MCU: variants seen among roughly 807,000 people sequenced by gnomAD.
MCU encodes calcium uniporter protein, mitochondrial.
A neutral mutation model predicts 45.2 loss-of-function variants in MCU; 12 were observed. The observed-to-expected ratio is 0.27, with a 90% CI of 0.17 to 0.43. MCU has a LOEUF of 0.43. Among genes scored for constraint, MCU ranks in the 20% least tolerant of loss-of-function variants. The pLI, the probability that MCU is intolerant of heterozygous loss-of-function variation, is 1.00. For synonymous variants in MCU, 160 were observed against 165.1 expected, an observed-to-expected ratio of 0.97 and a Z score of 0.24; for missense variants, 324 against 436.7, an observed-to-expected ratio of 0.74 and a Z score of 2.30.
intron 2 of MCU, among the ~76,000 whole-genome samples, chr10:72,836,839 C>T (rs2132838130): frequency 6.6e-6 from 1 of 152,212 alleles, no homozygotes; most frequent in East Asian, 1.9e-4. Context: ...CACCTTAGGT[C>T]AGTATAGCAT....
chr10:72,843,899 T>G (rs1423849238), intron 2 of MCU, among the ~76,000 whole-genome samples: 1 of 152,218 alleles, frequency 6.6e-6, no homozygotes, highest in South Asian at 2.1e-4. Flanking sequence ...ATTTTACATA[T>G]TTAAGTATAT....
chr10:72,807,710 A>C (rs1844473745), intron 1 of MCU, among the ~76,000 whole-genome samples: 1 of 152,150 alleles, frequency 6.6e-6, no homozygotes, highest in Admixed American at 6.5e-5. Context: ...TGGATTTTTT[A>C]CTTCAGTGTT....
chr10:72,704,741 G>A (rs1190914106), intron 1 of MCU, among the ~76,000 whole-genome samples: 5 of 130,144 alleles, frequency 3.8e-5, no homozygotes, highest in Non-Finnish European at 6.3e-5. Flanking sequence ...TTGAGACGGA[G>A]TCTCGCTCTG....
chr10:72,842,163 A>G (rs984048289), intron 2 of MCU, among the ~76,000 whole-genome samples: 4 of 152,194 alleles, frequency 2.6e-5, no homozygotes, highest in Non-Finnish European at 4.4e-5. Flanking sequence ...CTGTAGTCCT[A>G]TAGTCCTGTA....
intron 1 of MCU, among the ~76,000 whole-genome samples, chr10:72,743,355 G>A (rs1025851637): frequency 1.1e-4 from 15 of 142,664 alleles, no homozygotes; most frequent in African/African-American, 3.9e-4. Context: ...AGAGGCTGCA[G>A]TGAGCCGATA....
At chr10:72,850,644 G>T (rs576651820) in intron 2 of MCU, among the ~76,000 whole-genome samples, 4 of 151,862 alleles carry the variant, frequency 2.6e-5, no homozygotes, top group Non-Finnish European at 5.9e-5. Flanking sequence ...TTCTTCAAAT[G>T]CAATTGTTTG....
chr10:72,778,682 C>T (rs1843938302), intron 1 of MCU, among the ~76,000 whole-genome samples: 1 of 152,052 alleles, frequency 6.6e-6, no homozygotes, highest in Admixed American at 6.5e-5. Context: ...GTCCCACAGG[C>T]ATTAAAAAAT....
At chr10:72,815,911 G>C (rs775913815) in intron 1 of MCU, among the ~76,000 whole-genome samples, 1 of 152,138 alleles carries the variant, frequency 6.6e-6, no homozygotes, top group Non-Finnish European at 1.5e-5. Context: ...TAACAAATCA[G>C]GTGGGGAAGG....
At chr10:72,870,261 G>C (rs915900110) in intron 5 of MCU, among the ~76,000 whole-genome samples, 1 of 152,012 alleles carries the variant, frequency 6.6e-6, no homozygotes, top group Non-Finnish European at 1.5e-5. Context: ...CATGAATTGT[G>C]CTAGTATTTT....
chr10:72,704,167 G>T lies in MCU; in HGVS notation c.150+11866G>T, dbSNP rs148305220. Among the ~76,000 whole-genome samples, 600 of 152,236 alleles carry T rather than the reference G, an allele frequency of 3.9e-3. 4 individuals carry two copies. The highest frequency in any genetic ancestry group is 0.013 in the African/African-American group (558 of 41,558). On this transcript the variant is annotated intron_variant, in intron 1 of 7. Transcript: ENST00000373053. ...CGGGTGGAAAGGATGGGACCAGAGA[G>T]GTAGAAAGACCAGTAAGGAGCATCT...
chr10:72,693,725 G>A (rs1290987051), intron 1 of MCU, among the ~76,000 whole-genome samples: 2 of 152,160 alleles, frequency 1.3e-5, no homozygotes, highest in Non-Finnish European at 2.9e-5. Context: ...TTGGGTGACA[G>A]CCAAGAGCTT....
chr10:72,702,594 T>G (rs917498203), intron 1 of MCU, among the ~76,000 whole-genome samples: 2 of 152,226 alleles, frequency 1.3e-5, no homozygotes, highest in East Asian at 1.9e-4. Flanking sequence ...TGGCTGTGCT[T>G]CTTTTTTTTC....
In MCU at chr10:72,704,704, A is replaced by AT. The variant is rs1162093579; in HGVS notation, c.150+12431dup. Among the ~76,000 whole-genome samples, 986 of 106,698 alleles carry AT rather than the reference A, an allele frequency of 9.2e-3. 35 individuals are homozygous for AT. The highest frequency in any genetic ancestry group is 0.031 in the Middle Eastern group (6 of 196). 70.0% of individuals were successfully genotyped at this position (106,698 alleles called of 152,430 possible). A position where few individuals can be genotyped will look rare whatever the true frequency, so the allele number is the denominator to read the frequency against. ...AGGCATGCACTGTCATGCCTGGATA[A>AT]TTTTTTTTTTTTTTTTTTTTTTTTT... On this transcript the variant is annotated intron_variant, in intron 1 of 7. Transcript: ENST00000373053.
intron 1 of MCU, among the ~76,000 whole-genome samples, chr10:72,718,797 A>C (rs1842984890): frequency 6.6e-6 from 1 of 152,274 alleles, no homozygotes; most frequent in Non-Finnish European, 1.5e-5. Context: ...AGTATTGAAC[A>C]GTGATCAGAA....
intron 1 of MCU, among the ~76,000 whole-genome samples, chr10:72,814,775 C>T (rs1188172768): frequency 6.6e-6 from 1 of 152,112 alleles, no homozygotes. Context: ...ACCAGTGAAC[C>T]TTTATTGTAG....
At chr10:72,702,498 A>C (rs1214900827) in intron 1 of MCU, among the ~76,000 whole-genome samples, 1 of 152,208 alleles carries the variant, frequency 6.6e-6, no homozygotes, top group East Asian at 1.9e-4. Context: ...GGCACTGCCC[A>C]GGGCATTGGA....
intron 1 of MCU, among the ~76,000 whole-genome samples, chr10:72,713,210 CT>C (rs1022772735): frequency 1.3e-5 from 2 of 152,162 alleles, no homozygotes; most frequent in African/African-American, 4.8e-5. Flanking sequence ...TGAAAAAATA[CT>C]TTTGCCTTTT....
chr10:72,839,391 C>T (rs1031311939), intron 2 of MCU, among the ~76,000 whole-genome samples: 1 of 152,014 alleles, frequency 6.6e-6, no homozygotes, highest in Non-Finnish European at 1.5e-5. Context: ...ACACCCTCAA[C>T]CCCAGGTAAC....
At chr10:72,802,428 G>T (rs1052583380) in intron 1 of MCU, among the ~76,000 whole-genome samples, 3 of 129,924 alleles carry the variant, frequency 2.3e-5, no homozygotes, top group African/African-American at 8.5e-5. Flanking sequence ...AAAAAAAAAA[G>T]ATGAGTGACT....
Sources: allele counts gnomAD v4.1 joint callset (sites outside exome capture counted in the v4.1 genomes callset), GRCh38; gene constraint gnomAD v4.1.1; transcripts MANE v1.5; gene names NCBI Gene and HGNC (gene_info 2026-07-23, HGNC 2026-07-21).